CDC23: variants seen among roughly 807,000 people sequenced by gnomAD.
The protein encoded by CDC23 is cell division cycle 23.
A neutral mutation model predicts 81.7 loss-of-function variants in CDC23; 26 were observed. That is an observed-to-expected ratio of 0.32 (90% CI 0.23 to 0.44). The LOEUF (loss-of-function observed/expected upper bound fraction) is 0.44, where lower values mean the gene tolerates loss of function less well. Among genes scored for constraint, CDC23 ranks in the 20% least tolerant of loss-of-function variants. The pLI is 1.00. For missense variants in CDC23, 519 were observed against 728.0 expected (o/e 0.71, Z 3.30); for synonymous variants, 267 against 270.8 (o/e 0.99, Z 0.14).
rs1357355249 is a variant in CDC23 at position 138,188,976 on chromosome 5, A to T, written c.*2T>A. On this transcript the variant is annotated 3_prime_UTR_variant, in exon 16 of 16. Transcript: ENST00000394886. ...ACAATGTGCTGGCTTGAGAGTAGCC[A>T]ACTATGGCGTGACAGAAGACAAGTT... 1 of 1,613,542 alleles carries T rather than the reference A, an allele frequency of 6.2e-7. No individual in the cohort carries two copies.
rs1459589054 is a variant in CDC23 at position 138,191,895 on chromosome 5, G to A, written c.1329C>T (p.Tyr443=). ...SRMLVALGEC[Y]EKLNQLVEAK... Reference sequence around the variant, plus strand: ...CTTCCACTAGTTGATTGAGTTTCTCGTAACATTCTCCTAAAGCAACCAGCA... The same window carrying A: ...CTTCCACTAGTTGATTGAGTTTCTCATAACATTCTCCTAAAGCAACCAGCA... The change falls in exon 12 of 16, where the codon TAC becomes TAT. Residue 443 remains tyrosine (Y), a synonymous_variant. Coordinates refer to ENST00000394886, the MANE Select transcript of CDC23 (RefSeq NM_004661.4). 5 of 1,613,998 alleles carry A rather than the reference G, an allele frequency of 3.1e-6. No homozygotes were observed. The highest frequency in any genetic ancestry group is 2.2e-5 in the East Asian group (1 of 44,872).
Position 138,192,494 on chromosome 5 carries a change from A to G in CDC23, c.1166+10T>C. On this transcript the variant is annotated intron_variant, in intron 10 of 15. Transcript: ENST00000394886. The stretch of plus-strand genomic sequence containing the variant: ...CAATCTGCTCTACCTCACCACCTAT[A>G]GATAATCACCTATAAGCCTGGATAG... 1 of 1,613,824 alleles carries G rather than the reference A, an allele frequency of 6.2e-7. No homozygotes were observed.
In CDC23 at chr5:138,205,325, T is replaced by C. The variant is rs565357884; in HGVS notation, c.372+1222A>G. ...ACTCATGGAGATAAGCAAACTGTGG[T>C]ATATAAATACAATGGAATATTATTA... On this transcript the variant is annotated intron_variant, in intron 3 of 15. Transcript: ENST00000394886. 4.6e-5 allele frequency among the ~76,000 whole-genome samples: 7 copies of C among 152,316 alleles called. No individual in the cohort carries two copies. In the South Asian group the frequency reaches 8.3e-4, roughly 18 times the overall value.
chr5:138,208,616 T>C (rs374028827), intron 2 of CDC23, among the ~76,000 whole-genome samples: 1 of 152,210 alleles, frequency 6.6e-6, no homozygotes, highest in Non-Finnish European at 1.5e-5. Context: ...ACATGCATAC[T>C]ATAGGCCCAG....
At chr5:138,192,105 T>C in intron 11 of CDC23, 164 bp downstream of exon 11, 2 of 955,808 alleles carry the variant, frequency 2.1e-6, no homozygotes, top group Non-Finnish European at 3.1e-6. Flanking sequence ...AACCCATTAG[T>C]GAAATATACT....
chr5:138,192,050 G>A (rs1250077014), intron 11 of CDC23, 113 bp from the exon 12 acceptor site: 2 of 978,968 alleles, frequency 2.0e-6, no homozygotes, highest in Admixed American at 4.2e-5. Context: ...TCTTTAACCT[G>A]ATGCTCCATA....
chr5:138,203,550 C>T (rs2967784), intron 3 of CDC23, among the ~76,000 whole-genome samples: 44,787 of 151,952 alleles, frequency 0.29, 7,546 homozygotes, highest in South Asian at 0.43. Flanking sequence ...ATTAAAGAGA[C>T]ATGACAACTG....
chr5:138,203,941 T>C (rs888613958), intron 3 of CDC23, among the ~76,000 whole-genome samples: 1 of 151,860 alleles, frequency 6.6e-6, no homozygotes, highest in Non-Finnish European at 1.5e-5. Flanking sequence ...AATTCAATAA[T>C]AGATTGAATA....
chr5:138,196,482 G>C (rs1754908188), intron 9 of CDC23, among the ~76,000 whole-genome samples: 1 of 151,304 alleles, frequency 6.6e-6, no homozygotes, highest in Non-Finnish European at 1.5e-5. Context: ...GTAGAAACAG[G>C]GTTTCCATGT....
At position 138,201,216 on chromosome 5, in the gene CDC23, A is replaced by T. The variant is rs1294754003; in HGVS notation, c.545T>A (p.Leu182Gln). The part of the protein sequence containing the change: ...LYLYGVVLRK[L>Q]DLVKEAIDVF... Reference sequence around the variant, plus strand: ...ATCAATGGCCTCTTTAACCAAGTCCAGTTTTCGAAGCACCACACCATACCT... The same window carrying T: ...ATCAATGGCCTCTTTAACCAAGTCCTGTTTTCGAAGCACCACACCATACCT... Residue 182 changes from leucine to glutamine, a missense_variant, in exon 6 of 16, where the codon CTG (leucine) becomes CAG (glutamine). Around this residue, in one of 4 missense-constraint regions of CDC23, gnomAD observed 180 missense variants for 239.3 expected, o/e 0.75. Transcript: ENST00000394886. 6.2e-7 allele frequency: 1 copy of T among 1,614,226 alleles called. No homozygotes were observed. The highest frequency in any genetic ancestry group is 8.5e-7 in the Non-Finnish European group (1 of 1,180,042).
At chr5:138,200,623 C>T (rs1353958706) in intron 6 of CDC23, among the ~76,000 whole-genome samples, 1 of 152,032 alleles carries the variant, frequency 6.6e-6, no homozygotes, top group African/African-American at 2.4e-5. Context: ...AGTTCGAAGC[C>T]AGCCTGGCCG....
chr5:138,212,964 G>C, intron 2 of CDC23, 27 bp downstream of exon 2: 2 of 1,599,938 alleles, frequency 1.3e-6, no homozygotes, highest in East Asian at 2.2e-5. Flanking sequence ...GGTTGATGGG[G>C]AGCGCTCACT....
chr5:138,190,059 G>T lies in CDC23; in HGVS notation c.1425-153C>A, dbSNP rs17228540. The T allele has an allele frequency of 3.7e-4, 233 of 637,022 alleles. No homozygotes were observed. In the African/African-American group the frequency reaches 4.1e-3, roughly 11 times the overall value. 39.5% of individuals were successfully genotyped at this position (637,022 alleles called of 1,614,324 possible). On this transcript the variant is annotated intron_variant, in intron 13 of 15. Transcript: ENST00000394886. The stretch of plus-strand genomic sequence containing the variant: ...TCTTGGAACTAGAATAGTATTAGAT[G>T]TGATAGTTACTGTTATCAAAGCTTA...
In CDC23 at chr5:138,198,199, CA is replaced by C; in HGVS notation, c.1011del (p.Ile337MetfsTer22). 1 of 1,601,954 alleles carries C rather than the reference CA, an allele frequency of 6.2e-7. No homozygotes were observed. Among genetic ancestry groups the C allele is most frequent in the Non-Finnish European group, 8.5e-7 (1 of 1,170,076 alleles). ...DKYRVETCCV[I>X]GNYYSLRSQH... ...AAGAAAAAATGTAGTTAATTCTTAC[CA>C]ATTACACAGCACGTTTCTACACGAT... On this transcript the variant is annotated frameshift_variant and splice_region_variant, in exon 9 of 16. Coordinates refer to ENST00000394886, the MANE Select transcript of CDC23 (RefSeq NM_004661.4). LOFTEE classifies it high-confidence loss of function.
chr5:138,195,758 C>CATATAATATATATGTATATATATACAT (rs1561634175), intron 9 of CDC23, among the ~76,000 whole-genome samples: 2 of 109,504 alleles, frequency 1.8e-5, no homozygotes, highest in Non-Finnish European at 3.5e-5. Context: ...TATATATATA[C>CATATAATATATATGTATATATATACAT]ATATATTATA....
chr5:138,189,793 T>C (rs549061473), intron 14 of CDC23, 35 bp downstream of exon 14: 5 of 1,613,652 alleles, frequency 3.1e-6, no homozygotes, highest in South Asian at 1.1e-5. Flanking sequence ...ACAGTAATAA[T>C]ATCAGCAGTA....
At chr5:138,209,738 C>T (rs1415619038) in intron 2 of CDC23, among the ~76,000 whole-genome samples, 1 of 151,238 alleles carries the variant, frequency 6.6e-6, no homozygotes, top group Non-Finnish European at 1.5e-5. Flanking sequence ...GCAGGAGAAT[C>T]ACTGAAACCC....
In CDC23 at chr5:138,191,505, C is replaced by A; in HGVS notation, c.1393G>T (p.Val465Leu). 1 of 1,614,224 alleles carries A rather than the reference C, an allele frequency of 6.2e-7. No individual in the cohort carries two copies. ...AGTTTCACCAGAGCCATTTTCTCCACATCTCCCACGGCGTAAGCTCTCCAA... is the reference window on the plus strand; with the variant it reads ...AGTTTCACCAGAGCCATTTTCTCCAAATCTCCCACGGCGTAAGCTCTCCAA... ...CYWRAYAVGD[V>L]EKMALVKLAK... is the part of the protein sequence containing the mutation. The change falls in exon 13 of 16, where the codon GTG becomes TTG. Residue 465 changes from valine to leucine, a missense_variant. Around this residue, in one of 4 missense-constraint regions of CDC23, gnomAD observed 175 missense variants for 337.8 expected, o/e 0.52. Coordinates refer to ENST00000394886, the MANE Select transcript of CDC23 (RefSeq NM_004661.4).
chr5:138,202,628 C>T (rs1472139896), intron 3 of CDC23, among the ~76,000 whole-genome samples: 1 of 152,158 alleles, frequency 6.6e-6, no homozygotes, highest in Non-Finnish European at 1.5e-5. Flanking sequence ...CTGGCCAAAT[C>T]TGGAGTTATC....
Sources: allele counts gnomAD v4.1 joint callset (sites outside exome capture counted in the v4.1 genomes callset), GRCh38; gene constraint gnomAD v4.1.1; regional missense constraint gnomAD v4.1.1; transcripts MANE v1.5; gene names NCBI Gene and HGNC (gene_info 2026-07-23, HGNC 2026-07-21).